GLIS3: variants seen among roughly 807,000 people sequenced by gnomAD.
GLIS3 encodes the protein GLIS family zinc finger 3.
A neutral mutation model predicts 78.6 loss-of-function variants in GLIS3; 53 were observed. The ratio of observed to expected loss-of-function variants is 0.67; its 90% CI spans 0.54 to 0.85. GLIS3 has a LOEUF of 0.85. Ranked by LOEUF, GLIS3 falls within the 40% of genes least tolerant of loss-of-function variation. The pLI is 0.00. For synonymous variants in GLIS3, 684 were observed against 509.9 expected, an observed-to-expected ratio of 1.34 and a Z score of -4.60; for missense variants, 1,703 against 1,231.1, an observed-to-expected ratio of 1.38 and a Z score of -5.74.
At chr9:3,995,460 C>T (rs1394940171) in intron 4 of GLIS3, among the ~76,000 whole-genome samples, 1 of 151,498 alleles carries the variant, frequency 6.6e-6, no homozygotes, top group East Asian at 1.9e-4. Flanking sequence ...GCAGAAACAG[C>T]CAGTAGAAAA....
chr9:4,150,037 T>C (rs1834548248), intron 2 of GLIS3, among the ~76,000 whole-genome samples: 1 of 140,994 alleles, frequency 7.1e-6, no homozygotes, highest in Non-Finnish European at 1.5e-5. Context: ...GGTGCACGCA[T>C]GCACACATAA....
intron 2 of GLIS3, among the ~76,000 whole-genome samples, chr9:4,148,336 G>A (rs1178862911): frequency 6.6e-6 from 1 of 152,048 alleles, no homozygotes; most frequent in East Asian, 1.9e-4. Flanking sequence ...ACTCCAGGCA[G>A]CCTGAAATCC....
chr9:4,132,272 C>T (rs531566715), intron 2 of GLIS3, among the ~76,000 whole-genome samples: 1 of 152,092 alleles, frequency 6.6e-6, no homozygotes, highest in Non-Finnish European at 1.5e-5. Flanking sequence ...CACATACATT[C>T]TAGCCAAAAT....
intron 2 of GLIS3, among the ~76,000 whole-genome samples, chr9:4,173,570 ACAC>A (rs1816560979): frequency 2.5e-5 from 1 of 39,336 alleles, no homozygotes; most frequent in Non-Finnish European, 5.3e-5. Context: ...ATACACACAC[ACAC>A]ACACACACAC....
At chr9:3,957,791 A>T (rs1817243244) in intron 4 of GLIS3, among the ~76,000 whole-genome samples, 1 of 152,162 alleles carries the variant, frequency 6.6e-6, no homozygotes. Flanking sequence ...TTGTCTGAAA[A>T]ATTAAGCATT....
intron 2 of GLIS3, among the ~76,000 whole-genome samples, chr9:4,252,974 T>C (rs1006428804): frequency 6.6e-6 from 1 of 152,212 alleles, no homozygotes; most frequent in Non-Finnish European, 1.5e-5. Flanking sequence ...TGCCTGATCC[T>C]TCCTCTGGAA....
intron 4 of GLIS3, chr9:4,306,060 T>C (rs566089381): frequency 6.6e-6 from 1 of 152,266 alleles, no homozygotes; most frequent in African/African-American, 2.4e-5. Flanking sequence ...TTTTATGACA[T>C]CATTTTAGTC....
chr9:3,915,894 ATCTC>A, intron 6 of GLIS3, among the ~76,000 whole-genome samples: 1 of 152,350 alleles, frequency 6.6e-6, no homozygotes, highest in Non-Finnish European at 1.5e-5. Context: ...AAAAAGGCAT[ATCTC>A]TCTTTCTTCC....
the GLIS3 span, among the ~76,000 whole-genome samples, chr9:4,454,007 GAA>G: frequency 0.029 from 4,402 of 151,686 alleles, 234 homozygotes; most frequent in African/African-American, 0.1. Context: ...AAAAATAAAA[GAA>G]AATAAATTTT....
intron 4 of GLIS3, among the ~76,000 whole-genome samples, chr9:4,079,841 A>C (rs1828399406): frequency 6.6e-6 from 1 of 152,176 alleles, no homozygotes; most frequent in Non-Finnish European, 1.5e-5. Context: ...AATTCAATGA[A>C]TCAGAGCTAC....
the GLIS3 span, among the ~76,000 whole-genome samples, chr9:4,419,604 A>T: frequency 1.3e-5 from 2 of 151,774 alleles, no homozygotes; most frequent in Non-Finnish European, 2.9e-5. Context: ...ATATTGTGAA[A>T]CCCCATCTCT....
intron 4 of GLIS3, among the ~76,000 whole-genome samples, chr9:4,015,085 T>C (rs540835512): frequency 5.9e-5 from 9 of 152,300 alleles, no homozygotes; most frequent in Admixed American, 1.3e-4. Flanking sequence ...AAACATAGTG[T>C]CCAATAAGAG....
At chr9:4,348,394 C>T (rs1383460788), upstream of GLIS3, 1 of 152,228 alleles carries the variant, frequency 6.6e-6, no homozygotes, top group African/African-American at 2.4e-5. Flanking sequence ...ATCACCTCCA[C>T]ATCCCATGCA....
At chr9:4,451,208 G>C in the GLIS3 span, among the ~76,000 whole-genome samples, 1 of 152,128 alleles carries the variant, frequency 6.6e-6, no homozygotes, top group South Asian at 2.1e-4. Context: ...CCTAGTCTCT[G>C]ATAAAACAGA....
intron 4 of GLIS3, among the ~76,000 whole-genome samples, chr9:3,953,765 C>T (rs1300072274): frequency 4.2e-3 from 155 of 37,166 alleles, no homozygotes; most frequent in African/African-American, 0.017. Flanking sequence ...GATTTGCTCT[C>T]TCTCTCTCTC....
the GLIS3 span, chr9:4,386,642 G>C: frequency 6.6e-6 from 1 of 152,166 alleles, no homozygotes; most frequent in African/African-American, 2.4e-5. Context: ...TCCCGTTACA[G>C]AATTTTTGGG....
chr9:4,196,416 G>A (rs1282092762), intron 2 of GLIS3, among the ~76,000 whole-genome samples: 2 of 152,340 alleles, frequency 1.3e-5, no homozygotes, highest in East Asian at 1.9e-4. Context: ...CCGCACTGTG[G>A]AAGCTTTGTT....
At chr9:4,260,070 G>C (rs979070531) in intron 2 of GLIS3, among the ~76,000 whole-genome samples, 4 of 135,198 alleles carry the variant, frequency 3.0e-5, no homozygotes, top group African/African-American at 1.1e-4. Flanking sequence ...GAACGATAGT[G>C]ACCTCTGATC....
chr9:4,233,503 G>C (rs1439657352), intron 2 of GLIS3, among the ~76,000 whole-genome samples: 1 of 152,056 alleles, frequency 6.6e-6, no homozygotes, highest in Admixed American at 6.6e-5. Context: ...TTTCTTTTTT[G>C]AGCAGTAGGT....
Sources: allele counts gnomAD v4.1 joint callset (sites outside exome capture counted in the v4.1 genomes callset), GRCh38; gene constraint gnomAD v4.1.1; transcripts MANE v1.5; gene names NCBI Gene and HGNC (gene_info 2026-07-23, HGNC 2026-07-21).